Variants in CENPS observed in about 807,000 individuals in gnomAD.
CENPS encodes FANCM associated histone fold protein 1.
In CENPS, 16 loss-of-function variants were observed where a neutral mutation model predicts 17.9. The ratio of observed to expected loss-of-function variants is 0.90; its 90% CI spans 0.61 to 1.36. The LOEUF is 1.36. Among genes scored for constraint, CENPS ranks in the 40% most tolerant of loss-of-function variants. The pLI, the probability that CENPS is intolerant of heterozygous loss-of-function variation, is 0.00. For missense variants in CENPS, 160 were observed against 158.6 expected (o/e 1.01, Z -0.05); for synonymous variants, 49 against 55.8 (o/e 0.88, Z 0.54).
chr1:10,434,669 A>C lies in CENPS; in HGVS notation c.188A>C (p.Lys63Thr), dbSNP rs1262270291. The change falls in exon 3 of 5, where the codon AAA (lysine) becomes ACA (threonine). Residue 63 changes from lysine to threonine, a missense_variant. Coordinates refer to ENST00000309048, the MANE Select transcript of CENPS (RefSeq NM_199294.3). ...LTFRQCENFA[K>T]DLEMFARHAK... ...TTTTCTCTTTCAGAAAATTTTGCCA[A>C]AGACCTTGAAATGTTTGCAAGGTGG... 1.2e-6 allele frequency: 2 copies of C among 1,607,246 alleles called. No homozygotes were observed. The highest frequency in any genetic ancestry group is 2.2e-5 in the South Asian group (2 of 89,752).
chr1:10,442,528 G>A lies in CENPS; in HGVS notation c.*123G>A. On this transcript the variant is annotated 3_prime_UTR_variant, in exon 5 of 5. Coordinates refer to ENST00000309048, the MANE Select transcript of CENPS (RefSeq NM_199294.3). ...TAAAAAAATAAAATAAAAAGGCTGG[G>A]CTAGGGTGCTTTTTGTGCTGAATTC... 1.8e-5 allele frequency: 24 copies of A among 1,332,726 alleles called. No individual in the cohort carries two copies. The highest frequency in any genetic ancestry group is 2.3e-5 in the Non-Finnish European group (24 of 1,040,980). 82.6% of individuals were successfully genotyped at this position (1,332,726 alleles called of 1,614,324 possible). A position where few individuals can be genotyped will look rare whatever the true frequency, so the allele number is the denominator to read the frequency against.
chr1:10,434,689 A>G lies in CENPS; in HGVS notation c.208A>G (p.Arg70Gly). The change falls in exon 3 of 5, where the codon AGA becomes GGA. Residue 70 changes from arginine to glycine, a missense_variant and splice_region_variant. Physicochemically the swap from Arg to Gly is moderately radical, Grantham distance 125. Coordinates refer to ENST00000309048, the MANE Select transcript of CENPS (RefSeq NM_199294.3). ...NFAKDLEMFA[R>G]HAKRTTINTE... ...TGCCAAAGACCTTGAAATGTTTGCA[A>G]GGTGGGTAGAGAACTTGATTATCCG... The G allele has an allele frequency of 1.2e-6, 2 of 1,605,952 alleles. No homozygotes were observed. The highest frequency in any genetic ancestry group is 1.1e-5 in the South Asian group (1 of 89,538).
intron 1 of CENPS, among the ~76,000 whole-genome samples, chr1:10,432,706 C>G (rs1327454259): frequency 1.3e-5 from 2 of 152,098 alleles, no homozygotes; most frequent in Non-Finnish European, 2.9e-5. Flanking sequence ...AATTCATGTC[C>G]TGTACCCTGA....
chr1:10,430,640 C>T, intron 1 of CENPS, 72 bp downstream of exon 1: 1 of 1,484,186 alleles, frequency 6.7e-7, no homozygotes, highest in Admixed American at 2.3e-5. Flanking sequence ...AAGTACCCGG[C>T]AGCCCCCGGC....
chr1:10,433,312 C>T (rs146970634), intron 1 of CENPS, among the ~76,000 whole-genome samples: 22 of 152,280 alleles, frequency 1.4e-4, no homozygotes, highest in African/African-American at 4.3e-4. Context: ...CCCTCCAAAT[C>T]GAGAGGGGTG....
intron 2 of CENPS, 41 bp from the exon 3 acceptor site, chr1:10,434,616 G>T (rs1428672806): frequency 6.2e-7 from 1 of 1,601,096 alleles, no homozygotes; most frequent in Admixed American, 1.8e-5. Flanking sequence ...GAAATTAGAT[G>T]GGAGGGTGCC....
chr1:10,434,507 G>A, intron 2 of CENPS, 150 bp from the exon 3 acceptor site: 3 of 1,139,616 alleles, frequency 2.6e-6, no homozygotes, highest in Admixed American at 3.3e-5. Flanking sequence ...GAATGGTGGG[G>A]CTGCTGGAAA....
chr1:10,441,620 C>CTTTTTTTT (rs34369229), intron 4 of CENPS, among the ~76,000 whole-genome samples: 7 of 48,330 alleles, frequency 1.4e-4, no homozygotes, highest in Non-Finnish European at 2.1e-4. Context: ...GGCTACAACT[C>CTTTTTTTT]TTTTTTTTTT....
intron 1 of CENPS, chr1:10,431,526 C>T: frequency 8.2e-7 from 1 of 1,220,172 alleles, no homozygotes. Flanking sequence ...TGACACTTCG[C>T]CTTTACATTT....
In CENPS at chr1:10,433,927, C is replaced by T. The variant is rs1640036196; in HGVS notation, c.137C>T (p.Thr46Ile). 6.2e-7 allele frequency: 1 copy of T among 1,614,202 alleles called. No individual in the cohort carries two copies. The highest frequency in any genetic ancestry group is 8.5e-7 in the Non-Finnish European group (1 of 1,180,038). Residue 46 changes from threonine to isoleucine, a missense_variant, in exon 2 of 5, where the codon ACC becomes ATC. Thr to Ile is a moderately conservative substitution (Grantham distance 89, BLOSUM62 -1). Coordinates refer to ENST00000309048, the MANE Select transcript of CENPS (RefSeq NM_199294.3). The part of the protein sequence containing the change: ...LDKEMQFSKQ[T>I]IAAISELTFR... ...AAAGAGATGCAGTTCAGCAAACAGA[C>T]CATTGCGGCCATTTCGGAGCTGACT...
At chr1:10,438,824 C>G (rs1160252855) in intron 3 of CENPS, among the ~76,000 whole-genome samples, 1 of 152,128 alleles carries the variant, frequency 6.6e-6, no homozygotes, top group Non-Finnish European at 1.5e-5. Flanking sequence ...GTAAACAGTT[C>G]ATTGTGCTTA....
At chr1:10,430,924 C>T (rs1639879503) in intron 1 of CENPS, 62 of 1,253,554 alleles carry the variant, frequency 4.9e-5, no homozygotes, top group Non-Finnish European at 6.2e-5. Context: ...TTCCAGGTGA[C>T]GCCCGTACGC....
chr1:10,433,125 AC>A (rs1370497781), intron 1 of CENPS, among the ~76,000 whole-genome samples: 1 of 152,084 alleles, frequency 6.6e-6, no homozygotes, highest in African/African-American at 2.4e-5. Context: ...CGGAGTACCC[AC>A]AGGTGGGCTC....
intron 2 of CENPS, 105 bp from the exon 3 acceptor site, chr1:10,434,552 T>C: frequency 2.0e-6 from 3 of 1,516,994 alleles, no homozygotes; most frequent in Non-Finnish European, 2.7e-6. Context: ...TTTGTTATAT[T>C]AGTCAAGTCA....
At chr1:10,441,313 C>CTTTTT (rs747986112) in intron 4 of CENPS, among the ~76,000 whole-genome samples, 38 of 109,550 alleles carry the variant, frequency 3.5e-4, no homozygotes, top group South Asian at 6.5e-4. Context: ...TGTGCCACAA[C>CTTTTT]TTTTTTTTTT....
At chr1:10,430,768 G>A (rs777631099) in intron 1 of CENPS, 200 bp downstream of exon 1, 15 of 1,392,888 alleles carry the variant, frequency 1.1e-5, no homozygotes, top group Middle Eastern at 2.7e-4. Context: ...ACCCTGGCCT[G>A]CGCTGGCTGG....
At chr1:10,434,088 A>C in intron 2 of CENPS, 123 bp downstream of exon 2, 243 of 1,500,578 alleles carry the variant, frequency 1.6e-4, no homozygotes, top group Middle Eastern at 4.8e-4. Context: ...TATCATCCTC[A>C]TGCGTTCTTC....
In CENPS at chr1:10,430,680, G is replaced by T. The variant is rs7517636; in HGVS notation, c.51+112G>T. Reference sequence around the variant, plus strand: ...TCTCATCGGCACCCCGCCCCCGGGCGCCCCCCGCGGCTGCGCATGCGTTGG... The same window carrying T: ...TCTCATCGGCACCCCGCCCCCGGGCTCCCCCCGCGGCTGCGCATGCGTTGG... On this transcript the variant is annotated intron_variant, in intron 1 of 4. Coordinates refer to ENST00000309048, the MANE Select transcript of CENPS (RefSeq NM_199294.3). 4 of 1,430,062 alleles carry T rather than the reference G, an allele frequency of 2.8e-6. No individual in the cohort carries two copies. In the African/African-American group the frequency reaches 4.7e-5, roughly 17 times the overall value. The allele number at this position is 1,430,062 out of a possible 1,614,324, so 88.6% of individuals were successfully genotyped here.
Position 10,430,680 on chromosome 1 carries a change from G to C in CENPS, c.51+112G>C, listed in dbSNP as rs7517636. On this transcript the variant is annotated intron_variant, in intron 1 of 4. Coordinates refer to ENST00000309048, the MANE Select transcript of CENPS (RefSeq NM_199294.3). ...TCTCATCGGCACCCCGCCCCCGGGC[G>C]CCCCCCGCGGCTGCGCATGCGTTGG... 0.013 allele frequency: 18,289 copies of C among 1,430,132 alleles called. 1,846 individuals carry two copies. The African/African-American group carries it at 0.24, about 19-fold the overall frequency. 88.6% of individuals were successfully genotyped at this position (1,430,132 alleles called of 1,614,324 possible).
Sources: gnomAD v4.1 joint callset for allele counts (sites outside exome capture counted in the v4.1 genomes callset) on GRCh38, gnomAD v4.1.1 for gene constraint, MANE v1.5 for transcripts, NCBI Gene and HGNC (gene_info 2026-07-23, HGNC 2026-07-21) for gene names.